Variants in TPRG1 observed in about 807,000 individuals in gnomAD.
TPRG1 encodes the protein tumor protein p63-regulated gene 1 protein.
In TPRG1, 29 loss-of-function variants were observed where a neutral mutation model predicts 29.3. That is an observed-to-expected ratio of 0.99 (90% confidence interval 0.74 to 1.35). The LOEUF is 1.35. Among genes scored for constraint, TPRG1 ranks in the 40% most tolerant of loss-of-function variants. The pLI, the probability that TPRG1 is intolerant of heterozygous loss-of-function variation, is 0.00. For missense variants in TPRG1, 327 were observed against 335.0 expected, an observed-to-expected ratio of 0.98 and a Z score of 0.19; for synonymous variants, 130 against 116.8, an observed-to-expected ratio of 1.11 and a Z score of -0.73.
chr3:189,182,468 C>T (rs1730357187), intron 1 of TPRG1, among the ~76,000 whole-genome samples: 1 of 152,178 alleles, frequency 6.6e-6, no homozygotes, highest in Non-Finnish European at 1.5e-5. Context: ...ATAAAGCCCT[C>T]TGCTAACCTG....
chr3:189,189,090 C>T (rs1366991351), intron 1 of TPRG1, among the ~76,000 whole-genome samples: 1 of 151,816 alleles, frequency 6.6e-6, no homozygotes, highest in Non-Finnish European at 1.5e-5. Context: ...CTGTTTTTTT[C>T]TTATTTGTTA....
At chr3:189,264,617 G>A (rs1279752139) in intron 4 of TPRG1, among the ~76,000 whole-genome samples, 2 of 151,882 alleles carry the variant, frequency 1.3e-5, no homozygotes, top group East Asian at 1.9e-4. Context: ...CTTCATTTAG[G>A]TGTGTCTGAC....
chr3:189,032,406 A>T (rs1430349612), intron 4 of TPRG1, among the ~76,000 whole-genome samples: 2 of 152,134 alleles, frequency 1.3e-5, no homozygotes, highest in Non-Finnish European at 2.9e-5. Context: ...AATAAATTCA[A>T]GTTGTTTTAA....
intron 3 of TPRG1, among the ~76,000 whole-genome samples, chr3:189,137,494 A>C (rs1723918980): frequency 6.6e-6 from 1 of 152,162 alleles, no homozygotes; most frequent in African/African-American, 2.4e-5. Flanking sequence ...AGTTGTACAG[A>C]GCAGTGTTTG....
At chr3:189,315,278 TTGTG>T (rs34255648) in intron 5 of TPRG1, among the ~76,000 whole-genome samples, 3,734 of 143,430 alleles carry the variant, frequency 0.026, 73 homozygotes, top group African/African-American at 0.049. Context: ...CCTGAAAGAA[TTGTG>T]TGTGTGTGTG....
chr3:189,301,432 T>A (rs1457320409), intron 4 of TPRG1, among the ~76,000 whole-genome samples: 1 of 152,202 alleles, frequency 6.6e-6, no homozygotes, highest in African/African-American at 2.4e-5. Context: ...ATAGTATGTT[T>A]TTGAGAAAAA....
At chr3:189,017,390 T>C (rs1367741682) in intron 3 of TPRG1, among the ~76,000 whole-genome samples, 1 of 151,930 alleles carries the variant, frequency 6.6e-6, no homozygotes, top group East Asian at 1.9e-4. Flanking sequence ...TCCCCCCACC[T>C]CACAACAGTC....
intron 5 of TPRG1, among the ~76,000 whole-genome samples, chr3:189,161,423 T>C (rs891511085): frequency 6.6e-6 from 1 of 152,070 alleles, no homozygotes; most frequent in Non-Finnish European, 1.5e-5. Flanking sequence ...TACATGCATA[T>C]TAGATTGCTT....
chr3:189,007,657 A>G (rs1475639214), intron 3 of TPRG1, among the ~76,000 whole-genome samples: 1 of 147,452 alleles, frequency 6.8e-6, no homozygotes, highest in South Asian at 2.2e-4. Context: ...CAAATGTCCA[A>G]CAATGATAGA....
At chr3:189,119,321 A>T (rs1158413767) in intron 1 of TPRG1, among the ~76,000 whole-genome samples, 1 of 152,136 alleles carries the variant, frequency 6.6e-6, no homozygotes, top group East Asian at 1.9e-4. Context: ...GAAGTCACTA[A>T]CCTACTTTTG....
At chr3:189,085,446 CATGT>C (rs1398661806) in intron 4 of TPRG1, among the ~76,000 whole-genome samples, 12 of 127,084 alleles carry the variant, frequency 9.4e-5, no homozygotes, top group African/African-American at 3.5e-4. Flanking sequence ...TGTGTGTGTG[CATGT>C]GTGTGTGTGT....
intron 4 of TPRG1, among the ~76,000 whole-genome samples, chr3:189,067,092 A>T (rs1167617749): frequency 6.6e-6 from 1 of 152,154 alleles, no homozygotes; most frequent in Non-Finnish European, 1.5e-5. Context: ...ATAAAACAAA[A>T]TACCTAGGAA....
intron 3 of TPRG1, among the ~76,000 whole-genome samples, chr3:189,216,547 A>T (rs1736091522): frequency 6.6e-6 from 1 of 152,228 alleles, no homozygotes; most frequent in African/African-American, 2.4e-5. Context: ...AGATAATAGT[A>T]TGTATCTGAA....
chr3:189,102,108 C>T (rs1237742055), intron 1 of TPRG1, among the ~76,000 whole-genome samples: 1 of 152,118 alleles, frequency 6.6e-6, no homozygotes, highest in African/African-American at 2.4e-5. Context: ...CTTTTCATTC[C>T]ACACACTTTT....
intron 2 of TPRG1, among the ~76,000 whole-genome samples, chr3:189,213,351 A>G (rs560152078): frequency 1.1e-4 from 16 of 152,318 alleles, no homozygotes; most frequent in Non-Finnish European, 1.9e-4. Flanking sequence ...ACACAAGTCA[A>G]TGTATTTATA....
intron 4 of TPRG1, among the ~76,000 whole-genome samples, chr3:189,038,543 T>G (rs180961861): frequency 2.3e-3 from 343 of 152,110 alleles, no homozygotes; most frequent in Admixed American, 3.5e-3. Context: ...GGAAAGTACC[T>G]TGGCAACTTC....
At chr3:189,285,693 G>C (rs954188518) in intron 4 of TPRG1, among the ~76,000 whole-genome samples, 1 of 152,118 alleles carries the variant, frequency 6.6e-6, no homozygotes, top group Non-Finnish European at 1.5e-5. Context: ...TCTTTAAGGT[G>C]GGTAGTAACT....
At chr3:189,084,883 C>G (rs570380153) in intron 4 of TPRG1, among the ~76,000 whole-genome samples, 1 of 152,292 alleles carries the variant, frequency 6.6e-6, no homozygotes, top group African/African-American at 2.4e-5. Flanking sequence ...CTTCGCACCC[C>G]CAAAGGAAGC....
chr3:189,228,882 C>CA (rs1342895507), intron 3 of TPRG1, among the ~76,000 whole-genome samples: 3 of 151,778 alleles, frequency 2.0e-5, no homozygotes, highest in African/African-American at 7.3e-5. Context: ...AGGAGTCTAC[C>CA]AAAAAAACTG....
Sources: allele counts gnomAD v4.1 joint callset (sites outside exome capture counted in the v4.1 genomes callset), GRCh38; gene constraint gnomAD v4.1.1; transcripts MANE v1.5; gene names NCBI Gene and HGNC (gene_info 2026-07-23, HGNC 2026-07-21).